POFUT1: variants seen among roughly 807,000 people sequenced by gnomAD.
POFUT1 encodes GDP-fucose protein O-fucosyltransferase 1.
Under a neutral mutation model 42.4 loss-of-function variants are expected in POFUT1, and 16 were observed. The ratio of observed to expected loss-of-function variants is 0.38; its 90% CI spans 0.26 to 0.57. The LOEUF is 0.57. POFUT1 is among the 20% of genes least tolerant of loss of function. POFUT1 has a pLI of 0.71. For synonymous variants in POFUT1, 206 were observed against 205.4 expected, an observed-to-expected ratio of 1.00 and a Z score of -0.03; for missense variants, 470 against 504.6, an observed-to-expected ratio of 0.93 and a Z score of 0.66.
intron 5 of POFUT1, among the ~76,000 whole-genome samples, chr20:32,230,255 T>C (rs1280758281): frequency 6.6e-6 from 1 of 151,386 alleles, no homozygotes; most frequent in Non-Finnish European, 1.5e-5. Context: ...GGCGTGGTGG[T>C]GGGCACCTGT....
chr20:32,216,948 A>T (rs2047364607), intron 4 of POFUT1: 2 of 1,605,984 alleles, frequency 1.2e-6, no homozygotes, highest in Non-Finnish European at 1.7e-6. Flanking sequence ...TCATCGGTTG[A>T]TAAGGGATGT....
intron 4 of POFUT1, among the ~76,000 whole-genome samples, chr20:32,220,887 A>T (rs1272455819): frequency 6.6e-6 from 1 of 152,088 alleles, no homozygotes; most frequent in Admixed American, 6.6e-5. Flanking sequence ...TGGGCTTCTT[A>T]CAGCATGGCA....
At chr20:32,217,776 T>G in intron 4 of POFUT1, 1 of 975,332 alleles carries the variant, frequency 1.0e-6, no homozygotes, top group Non-Finnish European at 1.2e-6. Context: ...AGATAGTTCA[T>G]GAAGTGGGTA....
chr20:32,216,518 A>G (rs764140458), intron 3 of POFUT1, 91 bp from the exon 4 acceptor site: 2 of 764,936 alleles, frequency 2.6e-6, no homozygotes, highest in Non-Finnish European at 4.6e-6. Context: ...GAGTCACATC[A>G]CCCAGCTTCC....
chr20:32,223,312 A>G (rs981261066), intron 4 of POFUT1: 3 of 985,296 alleles, frequency 3.0e-6, no homozygotes, highest in South Asian at 4.7e-5. Flanking sequence ...CTTTCCAGAC[A>G]GCGCTGTCTT....
rs759090331 is a variant in POFUT1 at position 32,215,329 on chromosome 20, A to G, written c.307A>G (p.Ile103Val). The G allele has an allele frequency of 1.5e-5, 24 of 1,614,136 alleles. No individual in the cohort carries two copies. Among genetic ancestry groups the G allele is most frequent in the South Asian group, 1.3e-4 (12 of 91,080 alleles). Residue 103 changes from isoleucine (I) to valine (V), a missense_variant, in exon 3 of 7, where the codon ATC (isoleucine) becomes GTC (valine). By Grantham distance (29) the Ile-to-Val change is conservative (BLOSUM62 3). Transcript: ENST00000375749. ...LEPLQAYHRV[I>V]SLEDFMEKLA... ...GCCCCTCCAGGCTTACCATCGGGTC[A>G]TCAGCTTGGAGGATTTCATGGAGAA...
chr20:32,231,679 A>T (rs1347860051), intron 6 of POFUT1, among the ~76,000 whole-genome samples: 2 of 152,228 alleles, frequency 1.3e-5, no homozygotes, highest in Admixed American at 1.3e-4. Context: ...TTCCTCATCT[A>T]TAAAATGGGA....
chr20:32,221,403 T>C (rs1354144138), intron 4 of POFUT1, among the ~76,000 whole-genome samples: 1 of 152,026 alleles, frequency 6.6e-6, no homozygotes, highest in Admixed American at 6.6e-5. Context: ...GTTTTGAAAC[T>C]ATCTTCAGAG....
chr20:32,208,077 C>T lies in POFUT1; in HGVS notation c.124+12C>T. On this transcript the variant is annotated intron_variant, in intron 1 of 6. Transcript: ENST00000375749. Reference sequence around the variant, plus strand: ...CTGCCCCTGCATGGGTAAGGCCTCCCAAGCCCTCTGCTCAGATGGAGAAAC... The same window carrying T: ...CTGCCCCTGCATGGGTAAGGCCTCCTAAGCCCTCTGCTCAGATGGAGAAAC... 6.5e-7 allele frequency: 1 copy of T among 1,543,696 alleles called. No homozygotes were observed. The highest frequency in any genetic ancestry group is 8.7e-7 in the Non-Finnish European group (1 of 1,148,800).
At chr20:32,209,178 C>T (rs1476551996) in intron 1 of POFUT1, among the ~76,000 whole-genome samples, 1 of 152,202 alleles carries the variant, frequency 6.6e-6, no homozygotes, top group Non-Finnish European at 1.5e-5. Flanking sequence ...GTCTGCACTG[C>T]TGCAGGTGGC....
chr20:32,218,300 C>T (rs1386723727), intron 4 of POFUT1, among the ~76,000 whole-genome samples: 6 of 152,188 alleles, frequency 3.9e-5, no homozygotes, highest in South Asian at 2.1e-4. Flanking sequence ...CCATGCCTGA[C>T]GAATATTTTG....
In POFUT1 at chr20:32,217,741, A is replaced by G. The variant is rs945378324; in HGVS notation, c.542+1020A>G. ...GTTGGCTGTCAGTGTTATTACTCAC[A>G]TGCTTTATTTTATTTAAGACTTTGA... On this transcript the variant is annotated intron_variant, in intron 4 of 6. Coordinates refer to ENST00000375749, the MANE Select transcript of POFUT1 (RefSeq NM_015352.2). The G allele has an allele frequency of 4.1e-6, 4 of 985,186 alleles. No individual in the cohort carries two copies. The African/African-American group carries it at 7.0e-5, about 17-fold the overall frequency. The allele number at this position is 985,186 out of a possible 1,614,324, so 61.0% of individuals were successfully genotyped here.
At chr20:32,220,855 C>T (rs2047387781) in intron 4 of POFUT1, among the ~76,000 whole-genome samples, 1 of 152,054 alleles carries the variant, frequency 6.6e-6, no homozygotes, top group Non-Finnish European at 1.5e-5. Flanking sequence ...AGCATGTATA[C>T]ACTTGACCTC....
chr20:32,230,615 A>T (rs1026980764), intron 5 of POFUT1, among the ~76,000 whole-genome samples: 1 of 151,360 alleles, frequency 6.6e-6, no homozygotes, highest in African/African-American at 2.4e-5. Flanking sequence ...GAATTGCTTG[A>T]ACCCCAGAGG....
intron 2 of POFUT1, among the ~76,000 whole-genome samples, chr20:32,212,146 A>G (rs1042317211): frequency 6.6e-6 from 1 of 152,190 alleles, no homozygotes; most frequent in African/African-American, 2.4e-5. Context: ...ATTAGTTGCT[A>G]TTATTACCAT....
chr20:32,237,784 G>T lies in POFUT1; in HGVS notation c.*3123G>T. The T allele has an allele frequency of 1.9e-6, 1 of 534,720 alleles. No homozygotes were observed. The highest frequency in any genetic ancestry group is 3.8e-6 in the Non-Finnish European group (1 of 260,092). 33.1% of individuals were successfully genotyped at this position (534,720 alleles called of 1,614,324 possible). The stretch of plus-strand genomic sequence containing the variant: ...GAGACCAGTGCAGGGCTGTTAACAG[G>T]GTTGCAGGCGAGAGACTGGGGTGCT... On this transcript the variant is annotated 3_prime_UTR_variant, in exon 7 of 7. Transcript: ENST00000375749.
intron 4 of POFUT1, 33 bp from the exon 5 acceptor site, chr20:32,228,230 C>T (rs1455792245): frequency 1.3e-6 from 2 of 1,586,176 alleles, no homozygotes; most frequent in African/African-American, 1.3e-5. Context: ...CTCTGTGCGT[C>T]CTCTGACTTC....
intron 4 of POFUT1, chr20:32,223,384 T>C: frequency 1.0e-6 from 1 of 985,390 alleles, no homozygotes; most frequent in Non-Finnish European, 1.2e-6. Context: ...GGGTCTGAGC[T>C]GATGTTGTCC....
In POFUT1 at chr20:32,210,177, G is replaced by A. The variant is rs758853318; in HGVS notation, c.231G>A (p.Lys77=). 4 of 1,614,178 alleles carry A rather than the reference G, an allele frequency of 2.5e-6. No individual in the cohort carries two copies. The highest frequency in any genetic ancestry group is 3.4e-6 in the Non-Finnish European group (4 of 1,180,026). Residue 77 remains lysine (K), a synonymous_variant, in exon 2 of 7, where the codon AAG becomes AAA. Transcript: ENST00000375749. ...CTTGGATTGAGTACCAGCATCACAA[G>A]CCTCCTTTCACCAACGTGAGTACTT... The part of the protein sequence containing the change: ...VPPWIEYQHH[K]PPFTNLHVSY...
Sources: allele counts gnomAD v4.1 joint callset (sites outside exome capture counted in the v4.1 genomes callset), GRCh38; gene constraint gnomAD v4.1.1; transcripts MANE v1.5; gene names NCBI Gene and HGNC (gene_info 2026-07-23, HGNC 2026-07-21).